Variants in PTPRS observed in about 807,000 individuals in gnomAD.
The protein encoded by PTPRS is receptor-type tyrosine-protein phosphatase S.
In PTPRS, 63 loss-of-function variants were observed where a neutral mutation model predicts 215.3. That is an observed-to-expected ratio of 0.29 (90% CI 0.24 to 0.36). PTPRS has a LOEUF of 0.36. PTPRS is among the 10% of genes least tolerant of loss of function. The pLI is 1.00. For synonymous variants in PTPRS, 1,404 were observed against 1,191.4 expected (o/e 1.18, Z -3.68); for missense variants, 2,258 against 2,825.8 (o/e 0.80, Z 4.56).
intron 6 of PTPRS, among the ~76,000 whole-genome samples, chr19:5,262,613 G>T (rs2146331238): frequency 6.6e-6 from 1 of 152,330 alleles, no homozygotes; most frequent in South Asian, 2.1e-4. Flanking sequence ...AGTGCGGGAG[G>T]AAATGTTGTT....
rs1020869813 is a variant in PTPRS at position 5,244,561 on chromosome 19, C to A, written c.989-79G>T. On this transcript the variant is annotated intron_variant, in intron 10 of 37. Transcript: ENST00000262963. This position sits in a 1 kb window ranked among gnomAD's most constrained non-coding sequence, Gnocchi z 7.2. Reference sequence around the variant, plus strand: ...GAAGGCTGTGTGACTTTTCACCATTCAGTCGCCTTCTCTGAGCCTTGATTT... The same window carrying A: ...GAAGGCTGTGTGACTTTTCACCATTAAGTCGCCTTCTCTGAGCCTTGATTT... 10 of 1,183,964 alleles carry A rather than the reference C, an allele frequency of 8.4e-6. No individual in the cohort carries two copies. In the African/African-American group the frequency reaches 1.4e-4, roughly 16 times the overall value. 73.3% of individuals were successfully genotyped at this position (1,183,964 alleles called of 1,614,324 possible).
chr19:5,245,134 C>T (rs1382753201), intron 10 of PTPRS, among the ~76,000 whole-genome samples: 1 of 149,970 alleles, frequency 6.7e-6, no homozygotes, highest in Non-Finnish European at 1.5e-5. Context: ...TGTGCGCCAC[C>T]ACGCCCAGCT....
intron 18 of PTPRS, 41 bp downstream of exon 18, chr19:5,222,648 G>A (rs1456628929): frequency 1.1e-5 from 16 of 1,474,768 alleles, no homozygotes; most frequent in Non-Finnish European, 1.4e-5. Flanking sequence ...GTGGGCGCAA[G>A]GCCCGGTCCG....
Position 5,210,414 on chromosome 19 carries a change from C to A in PTPRS, c.5487+55G>T, listed in dbSNP as rs957225767. On this transcript the variant is annotated intron_variant, in intron 35 of 37. Coordinates refer to ENST00000262963, the MANE Select transcript of PTPRS (RefSeq NM_002850.4). This position sits in a 1 kb window ranked among gnomAD's most constrained non-coding sequence, Gnocchi z 4.5. Reference sequence around the variant, plus strand: ...TGTATCCATCACCAACCAGGGCAGCCCTTTCCAGATCACTAAGGCTCCAGC... The same window carrying A: ...TGTATCCATCACCAACCAGGGCAGCACTTTCCAGATCACTAAGGCTCCAGC... The A allele has an allele frequency of 7.4e-5, 119 of 1,611,442 alleles. No homozygotes were observed. The highest frequency in any genetic ancestry group is 9.5e-5 in the Non-Finnish European group (112 of 1,178,578).
rs2049023368 is a variant in PTPRS, at chr19:5,293,649, GGAGAAGGGGCAGA to G, written c.-94-7428_-94-7416del. Among the ~76,000 whole-genome samples the G allele has an allele frequency of 6.6e-6, 1 of 152,118 alleles. No homozygotes were observed. The highest frequency in any genetic ancestry group is 1.5e-5 in the Non-Finnish European group (1 of 67,994). Reference sequence around the variant, plus strand: ...CAAACACACCCAACTACAGGAGGTCGGAGAAGGGGCAGAGTTCCCCTCCCAGTCTGGGTGGGAC... The same window carrying G: ...CAAACACACCCAACTACAGGAGGTCGGTTCCCCTCCCAGTCTGGGTGGGAC... On this transcript the variant is annotated intron_variant, in intron 1 of 37. Transcript: ENST00000262963. The surrounding 1 kb of genome is among the most constrained non-coding windows in gnomAD (Gnocchi z 8.4).
Position 5,339,987 on chromosome 19 carries a change from A to C in PTPRS, c.-95+677T>G, listed in dbSNP as rs985472991. On this transcript the variant is annotated intron_variant, in intron 1 of 37. Transcript: ENST00000262963. The surrounding 1 kb of genome is among the most constrained non-coding windows in gnomAD (Gnocchi z 4.2). ...CGCCGAGGCCGCAGAAGGGTGGGGC[A>C]ATGCCCGAGTGCCGGAGGGGCGACC... is the stretch of plus-strand genomic sequence containing the variant. Among the ~76,000 whole-genome samples, 2 of 151,336 alleles carry C rather than the reference A, an allele frequency of 1.3e-5. No homozygotes were observed. The highest frequency in any genetic ancestry group is 4.9e-5 in the African/African-American group (2 of 41,158).
At chr19:5,285,770 A>G (rs2048299283) in intron 2 of PTPRS, among the ~76,000 whole-genome samples, 1 of 152,224 alleles carries the variant, frequency 6.6e-6, no homozygotes, top group Non-Finnish European at 1.5e-5. Flanking sequence ...AGTGCTTAGC[A>G]TGGAGCCTGG....
intron 1 of PTPRS, among the ~76,000 whole-genome samples, chr19:5,320,059 G>A (rs947868358): frequency 2.6e-5 from 4 of 152,216 alleles, no homozygotes; most frequent in African/African-American, 9.6e-5. Context: ...ATGATGGAAA[G>A]CGCAAAATCG....
chr19:5,229,259 C>T, intron 16 of PTPRS, 57 bp downstream of exon 16: 1 of 1,358,550 alleles, frequency 7.4e-7, no homozygotes, highest in South Asian at 2.3e-5. Flanking sequence ...AGTCACAGCA[C>T]AGCACGGCCC....
At position 5,222,134 on chromosome 19, in the gene PTPRS, T is replaced by G. The variant is rs966517708; in HGVS notation, c.3190A>C (p.Thr1064Pro). 4.3e-6 allele frequency: 7 copies of G among 1,613,230 alleles called. No individual in the cohort carries two copies. The highest frequency in any genetic ancestry group is 5.9e-6 in the Non-Finnish European group (7 of 1,179,538). ...WEFPDNYNSPTPYKIQYNGLT... is the reference protein window; with the variant it reads ...WEFPDNYNSPPPYKIQYNGLT... Reference sequence around the variant, plus strand: ...CTGGGCAGTCGCACCTTGTAGGGTGTGGGTGAGTTGTAGTTGTCAGGGAAC... The same window carrying G: ...CTGGGCAGTCGCACCTTGTAGGGTGGGGGTGAGTTGTAGTTGTCAGGGAAC... Residue 1064 changes from threonine (T) to proline (P), a missense_variant, in exon 19 of 38, where the codon ACA becomes CCA. Around this residue, in one of 6 missense-constraint regions of PTPRS, gnomAD observed 361 missense variants for 332.6 expected, o/e 1.09. Coordinates refer to ENST00000262963, the MANE Select transcript of PTPRS (RefSeq NM_002850.4).
chr19:5,332,828 T>C (rs1341010108), intron 1 of PTPRS, among the ~76,000 whole-genome samples: 1 of 152,248 alleles, frequency 6.6e-6, no homozygotes, highest in Admixed American at 6.5e-5. Flanking sequence ...CTCTGGGGGC[T>C]TTCAGAGAAC....
intron 1 of PTPRS, among the ~76,000 whole-genome samples, chr19:5,326,703 A>G (rs568138288): frequency 1.3e-5 from 2 of 152,010 alleles, no homozygotes; most frequent in African/African-American, 4.8e-5. Context: ...AGAAAGAAAA[A>G]AAAAAGAAAC....
intron 3 of PTPRS, 138 bp from the exon 4 acceptor site, chr19:5,273,721 G>A (rs1487273365): frequency 9.3e-7 from 1 of 1,081,038 alleles, no homozygotes; most frequent in Non-Finnish European, 1.3e-6. Flanking sequence ...AATTGCTGCA[G>A]GCTGAATGTG....
chr19:5,212,698 C>G (rs148176244), intron 30 of PTPRS, among the ~76,000 whole-genome samples: 103 of 152,284 alleles, frequency 6.8e-4, no homozygotes, highest in African/African-American at 2.5e-3. Context: ...ACAAAATTAG[C>G]TAGGCATGGT....
chr19:5,234,188 T>A lies in PTPRS; in HGVS notation c.1850-2573A>T, dbSNP rs1419092475. On this transcript the variant is annotated intron_variant, in intron 13 of 37. Transcript: ENST00000262963. Reference sequence around the variant, plus strand: ...AAAATTTTTCTTGTAGTAAAAGCATTTATTTACTGAACACTTGTGCTACCA... The same window carrying A: ...AAAATTTTTCTTGTAGTAAAAGCATATATTTACTGAACACTTGTGCTACCA... Among the ~76,000 whole-genome samples, 3 of 150,620 alleles carry A rather than the reference T, an allele frequency of 2.0e-5. No individual in the cohort carries two copies. In the East Asian group the frequency reaches 5.8e-4, roughly 29 times the overall value.
At chr19:5,255,320 C>G (rs2045464773) in intron 9 of PTPRS, among the ~76,000 whole-genome samples, 1 of 152,218 alleles carries the variant, frequency 6.6e-6, no homozygotes, top group Admixed American at 6.5e-5. Flanking sequence ...TGGTCACTTT[C>G]TGCCCTGGCA....
chr19:5,300,685 T>C (rs2049273359), intron 1 of PTPRS, among the ~76,000 whole-genome samples: 1 of 149,828 alleles, frequency 6.7e-6, no homozygotes, highest in Non-Finnish European at 1.5e-5. Flanking sequence ...GCAGGATTGC[T>C]TGAGCCCAAG....
Position 5,238,857 on chromosome 19 carries a change from G to A in PTPRS, c.1849+62C>T, listed in dbSNP as rs1425342153. The stretch of plus-strand genomic sequence containing the variant: ...CCCCGCCTGGGTCCGTCTGCCGAGG[G>A]GCTGTCTGCGGTCAGGCCGTGGTCC... On this transcript the variant is annotated intron_variant, in intron 13 of 37. Coordinates refer to ENST00000262963, the MANE Select transcript of PTPRS (RefSeq NM_002850.4). The A allele has an allele frequency of 2.7e-6, 4 of 1,492,922 alleles. No individual in the cohort carries two copies. The African/African-American group carries it at 5.8e-5, about 22-fold the overall frequency. 92.5% of individuals were successfully genotyped at this position (1,492,922 alleles called of 1,614,324 possible). A position where few individuals can be genotyped will look rare whatever the true frequency, so the allele number is the denominator to read the frequency against.
At chr19:5,335,395 G>A (rs563098235) in intron 1 of PTPRS, among the ~76,000 whole-genome samples, 2 of 152,346 alleles carry the variant, frequency 1.3e-5, no homozygotes, top group Admixed American at 6.5e-5. Flanking sequence ...CAAGTGAGGA[G>A]GGTGGCTCAA....
Sources: allele counts gnomAD v4.1 joint callset (sites outside exome capture counted in the v4.1 genomes callset), GRCh38; gene constraint gnomAD v4.1.1; regional missense constraint gnomAD v4.1.1; non-coding constraint Gnocchi (gnomAD v3.1); transcripts MANE v1.5; gene names NCBI Gene and HGNC (gene_info 2026-07-23, HGNC 2026-07-21).